MFSD6: variants seen among roughly 807,000 people sequenced by gnomAD.
MFSD6 encodes the protein major facilitator superfamily domain containing 6, also known as major facilitator superfamily domain-containing protein 6.
A neutral mutation model predicts 56.3 loss-of-function variants in MFSD6; 26 were observed. That is an observed-to-expected ratio of 0.46 (90% CI 0.34 to 0.64). MFSD6 has a LOEUF of 0.64. Ranked by LOEUF, MFSD6 falls within the 30% of genes least tolerant of loss-of-function variation. The pLI is 0.01. For missense variants in MFSD6, 750 were observed against 986.2 expected, an observed-to-expected ratio of 0.76 and a Z score of 3.21; for synonymous variants, 331 against 366.9, an observed-to-expected ratio of 0.90 and a Z score of 1.12.
chr2:190,440,967 T>C (rs918807860), intron 3 of MFSD6, among the ~76,000 whole-genome samples: 2 of 152,132 alleles, frequency 1.3e-5, no homozygotes, highest in Non-Finnish European at 2.9e-5. Context: ...CAAGGACACA[T>C]GGGAGGTGGC....
At chr2:190,429,548 G>A (rs930481897) in intron 2 of MFSD6, among the ~76,000 whole-genome samples, 2 of 151,856 alleles carry the variant, frequency 1.3e-5, no homozygotes, top group Non-Finnish European at 2.9e-5. Context: ...GCCTGGTTTC[G>A]AACTCTTGAT....
chr2:190,408,106 G>A (rs893093371), upstream of MFSD6, among the ~76,000 whole-genome samples: 1 of 152,090 alleles, frequency 6.6e-6, no homozygotes, highest in African/African-American at 2.4e-5. Context: ...GCGGGCAGTC[G>A]ACGCATCCGC....
chr2:190,421,987 T>C (rs1229511489), intron 2 of MFSD6, among the ~76,000 whole-genome samples: 2 of 152,212 alleles, frequency 1.3e-5, no homozygotes, highest in African/African-American at 2.4e-5. Flanking sequence ...AACTTTCTCA[T>C]TTCTCTGACT....
At chr2:190,435,807 A>C in intron 2 of MFSD6, 170 bp from the exon 3 acceptor site, 1 of 554,612 alleles carries the variant, frequency 1.8e-6, no homozygotes, top group Non-Finnish European at 3.0e-6. Context: ...ATTTTTTTAA[A>C]AGCTATTTTT....
rs1298033710 is a variant in MFSD6 at position 190,471,336 on chromosome 2, C to T, written c.1630+1481C>T. On this transcript the variant is annotated intron_variant, in intron 4 of 7. Coordinates refer to ENST00000392328, the MANE Select transcript of MFSD6 (RefSeq NM_017694.4). The surrounding 1 kb of genome is among the most constrained non-coding windows in gnomAD (Gnocchi z 4.7). Reference sequence around the variant, plus strand: ...CACAAGGGGTCAGGGAATTCCCTTTCCTAGCCGAGGAAAGGGGTGAGAGAT... The same window carrying T: ...CACAAGGGGTCAGGGAATTCCCTTTTCTAGCCGAGGAAAGGGGTGAGAGAT... Among the ~76,000 whole-genome samples the T allele has an allele frequency of 6.6e-6, 1 of 152,204 alleles. No individual in the cohort carries two copies. The highest frequency in any genetic ancestry group is 2.4e-5 in the African/African-American group (1 of 41,456).
chr2:190,408,751 C>A (rs1690422659), intron 1 of MFSD6, among the ~76,000 whole-genome samples: 1 of 145,516 alleles, frequency 6.9e-6, no homozygotes, highest in Non-Finnish European at 1.5e-5. Flanking sequence ...TTGTGGGGTG[C>A]TGGGGGAGGC....
Position 190,497,287 on chromosome 2 carries a change from G to T in MFSD6, c.1892-152G>T. ...TTCATTGATTCAGTACTTACACCAAGTAATGAAGTCATTGGTAACCAGCAA... is the reference window on the plus strand; with the variant it reads ...TTCATTGATTCAGTACTTACACCAATTAATGAAGTCATTGGTAACCAGCAA... On this transcript the variant is annotated intron_variant, in intron 6 of 7. Transcript: ENST00000392328. This position sits in a 1 kb window ranked among gnomAD's most constrained non-coding sequence, Gnocchi z 5.2. The T allele has an allele frequency of 1.2e-6, 1 of 805,978 alleles. No homozygotes were observed. Among genetic ancestry groups the T allele is most frequent in the South Asian group, 1.8e-5 (1 of 54,156 alleles). 49.9% of individuals were successfully genotyped at this position (805,978 alleles called of 1,614,324 possible). A position where few individuals can be genotyped will look rare whatever the true frequency, so the allele number is the denominator to read the frequency against.
At position 190,435,825 on chromosome 2, in the gene MFSD6, G is replaced by A. The variant is rs531729152; in HGVS notation, c.-53-152G>A. The A allele has an allele frequency of 3.8e-5, 24 of 634,506 alleles. No homozygotes were observed. The South Asian group carries it at 5.8e-4, about 15-fold the overall frequency. 39.3% of individuals were successfully genotyped at this position (634,506 alleles called of 1,614,324 possible). On this transcript the variant is annotated intron_variant, in intron 2 of 7. Coordinates refer to ENST00000392328, the MANE Select transcript of MFSD6 (RefSeq NM_017694.4). ...TTTTTAAAAGCTATTTTTCCTTACC[G>A]GTATTGTGTGGCTGCAAGTGATAAA...
intron 4 of MFSD6, among the ~76,000 whole-genome samples, chr2:190,484,698 A>T (rs950886647): frequency 1.3e-5 from 2 of 152,228 alleles, no homozygotes; most frequent in Non-Finnish European, 2.9e-5. Context: ...TGTCTTTTGT[A>T]TACACAGATG....
At chr2:190,452,638 T>G (rs1444508361) in intron 3 of MFSD6, among the ~76,000 whole-genome samples, 1 of 152,234 alleles carries the variant, frequency 6.6e-6, no homozygotes, top group Non-Finnish European at 1.5e-5. Context: ...CAACCCAGTC[T>G]CACCTCTTAG....
rs1241564394 is a variant in MFSD6 at position 190,457,146 on chromosome 2, C to G, written c.1533-12612C>G. On this transcript the variant is annotated intron_variant, in intron 3 of 7. Transcript: ENST00000392328. The surrounding 1 kb of genome is among the most constrained non-coding windows in gnomAD (Gnocchi z 5.1). The stretch of plus-strand genomic sequence containing the variant: ...TCTAGGTTTGATTTCATGTAGGGAG[C>G]TTGGAGTGTGGAAAATAGCACATTG... 6.6e-6 allele frequency among the ~76,000 whole-genome samples: 1 copy of G among 152,132 alleles called. No individual in the cohort carries two copies. The highest frequency in any genetic ancestry group is 1.5e-5 in the Non-Finnish European group (1 of 68,020).
At chr2:190,430,364 G>C (rs1685929608) in intron 2 of MFSD6, among the ~76,000 whole-genome samples, 1 of 151,330 alleles carries the variant, frequency 6.6e-6, no homozygotes, top group Non-Finnish European at 1.5e-5. Flanking sequence ...CTTCCGCAGT[G>C]TTTGTGTCCC....
intron 4 of MFSD6, among the ~76,000 whole-genome samples, chr2:190,472,804 A>T (rs2125158900): frequency 6.6e-6 from 1 of 152,346 alleles, no homozygotes. Context: ...CAAAGTTGAA[A>T]TGAAGGAAAA....
At chr2:190,482,770 G>A (rs151112614) in intron 4 of MFSD6, among the ~76,000 whole-genome samples, 1,704 of 149,130 alleles carry the variant, frequency 0.011, 39 homozygotes, top group African/African-American at 0.039. Context: ...TCAGATACCA[G>A]TGTTGAGTGT....
chr2:190,448,725 G>A (rs1419660285), intron 3 of MFSD6, among the ~76,000 whole-genome samples: 1 of 152,180 alleles, frequency 6.6e-6, no homozygotes, highest in African/African-American at 2.4e-5. Flanking sequence ...AGGACAAAAA[G>A]AGAAAGGGAC....
intron 1 of MFSD6, among the ~76,000 whole-genome samples, chr2:190,414,477 G>C (rs957469219): frequency 6.6e-6 from 1 of 152,178 alleles, no homozygotes; most frequent in Non-Finnish European, 1.5e-5. Context: ...TTTTGAATGA[G>C]TAAACATGAC....
chr2:190,488,669 C>A lies in MFSD6; in HGVS notation c.1643C>A (p.Ala548Glu). The A allele has an allele frequency of 6.4e-7, 1 of 1,554,826 alleles. No homozygotes were observed. The highest frequency in any genetic ancestry group is 8.7e-7 in the Non-Finnish European group (1 of 1,150,566). ...TCTTCCTCTCCAGGAGTGACACACG[C>A]GGCCATCTGGGCAGCATGCATTTCT... ...PMEVLQGVTHAAIWAACISYL... is the reference protein window; with the variant it reads ...PMEVLQGVTHEAIWAACISYL... The change falls in exon 5 of 8, where the codon GCG becomes GAG. Residue 548 changes from alanine to glutamate, a missense_variant. Ala to Glu is a moderately radical substitution (Grantham distance 107). Coordinates refer to ENST00000392328, the MANE Select transcript of MFSD6 (RefSeq NM_017694.4). This position sits in a 1 kb window ranked among gnomAD's most constrained non-coding sequence, Gnocchi z 6.4.
In MFSD6 at chr2:190,470,582, G is replaced by C. The variant is rs1035509796; in HGVS notation, c.1630+727G>C. Among the ~76,000 whole-genome samples, 47 of 152,226 alleles carry C rather than the reference G, an allele frequency of 3.1e-4. 2 individuals carry two copies. The highest frequency in any genetic ancestry group is 2.9e-5 in the Non-Finnish European group (2 of 68,036). On this transcript the variant is annotated intron_variant, in intron 4 of 7. Transcript: ENST00000392328. ...TTCAGGACAAGATCGCTGGAGTTGA[G>C]TGACGGTCCAGGCTACTAAATCATT...
At chr2:190,408,963 A>G (rs912503188) in intron 1 of MFSD6, among the ~76,000 whole-genome samples, 1 of 152,172 alleles carries the variant, frequency 6.6e-6, no homozygotes, top group Non-Finnish European at 1.5e-5. Flanking sequence ...CATCCCTGGG[A>G]AAAAGGAGGA....
Sources: allele counts gnomAD v4.1 joint callset (sites outside exome capture counted in the v4.1 genomes callset), GRCh38; gene constraint gnomAD v4.1.1; non-coding constraint Gnocchi (gnomAD v3.1); transcripts MANE v1.5; gene names NCBI Gene and HGNC (gene_info 2026-07-23, HGNC 2026-07-21).